DTWD1: variants seen among roughly 807,000 people sequenced by gnomAD.
The protein encoded by DTWD1 is DTW motif tRNA-uridine aminocarboxypropyltransferase 1.
Under a neutral mutation model 30.2 loss-of-function variants are expected in DTWD1, and 27 were observed. That is an observed-to-expected ratio of 0.90 (90% CI 0.66 to 1.23). The LOEUF (loss-of-function observed/expected upper bound fraction) is 1.23. Ranked by LOEUF, DTWD1 falls within the 50% of genes most tolerant of loss-of-function variation. The pLI, the probability that DTWD1 is intolerant of heterozygous loss-of-function variation, is 0.00. For missense variants in DTWD1, 342 were observed against 348.8 expected, an observed-to-expected ratio of 0.98 and a Z score of 0.15; for synonymous variants, 99 against 113.1, an observed-to-expected ratio of 0.88 and a Z score of 0.79.
chr15:49,643,138 C>G (rs1007897458), intron 4 of DTWD1, among the ~76,000 whole-genome samples, 193 bp from the exon 5 acceptor site: 3 of 151,852 alleles, frequency 2.0e-5, no homozygotes, highest in Non-Finnish European at 2.9e-5. Flanking sequence ...TATGTTGCTT[C>G]TGTATATACC....
chr15:49,630,953 T>C (rs1458497959), intron 2 of DTWD1: 3 of 445,968 alleles, frequency 6.7e-6, no homozygotes, highest in African/African-American at 6.0e-5. Context: ...GCATGCTCCT[T>C]AGGAGAATCC....
Position 49,634,593 on chromosome 15 carries a change from C to G in DTWD1, c.466C>G (p.Leu156Val). The change falls in exon 4 of 5, where the codon CTG becomes GTG. Residue 156 changes from leucine (L) to valine (V), a missense_variant. Coordinates refer to ENST00000403028, the MANE Select transcript of DTWD1 (RefSeq NM_001144955.2). ...CTCAATAAAAGATATTTCTTTTCATCTGCAAAAAAGGATTCAAAATAATGT... is the reference window on the plus strand; with the variant it reads ...CTCAATAAAAGATATTTCTTTTCATGTGCAAAAAAGGATTCAAAATAATGT... The part of the protein sequence containing the change: ...SISIKDISFH[L>V]QKRIQNNVRG... 1 of 1,613,298 alleles carries G rather than the reference C, an allele frequency of 6.2e-7. No individual in the cohort carries two copies. Among genetic ancestry groups the G allele is most frequent in the Non-Finnish European group, 8.5e-7 (1 of 1,179,696 alleles).
At position 49,624,462 on chromosome 15, in the gene DTWD1, G is replaced by A. The variant is rs116942854; in HGVS notation, c.-55-651G>A. Among the ~76,000 whole-genome samples the A allele has an allele frequency of 1.1e-4, 17 of 152,236 alleles. No homozygotes were observed. The East Asian group carries it at 3.1e-3, about 28-fold the overall frequency. ...TTTACCATTTTTCTCTAGTACTAAA[G>A]AATCTGAATGATGTATGTTTTTAAA... On this transcript the variant is annotated intron_variant, in intron 1 of 4. Transcript: ENST00000403028.
At position 49,653,894 on chromosome 15, in the gene DTWD1, G is replaced by A. The variant is rs1440307211; in HGVS notation, c.*10316G>A. The A allele has an allele frequency of 2.0e-5, 3 of 152,164 alleles. No individual in the cohort carries two copies. Among genetic ancestry groups the A allele is most frequent in the Non-Finnish European group, 4.4e-5 (3 of 68,002 alleles). The allele number at this position is 152,164 out of a possible 1,614,324, so 9.4% of individuals were successfully genotyped here. ...TTTTTATAGAAAAGGAAAAATAGAT[G>A]GAAGATGGAGCCAAAATCCCAGAGG... is the stretch of plus-strand genomic sequence containing the variant. On this transcript the variant is annotated 3_prime_UTR_variant, in exon 5 of 5. Coordinates refer to ENST00000403028, the MANE Select transcript of DTWD1 (RefSeq NM_001144955.2).
Position 49,643,306 on chromosome 15 carries a change from C to CTTTTTTTTTTTT in DTWD1, c.668-17_668-6dup, listed in dbSNP as rs5812490. On this transcript the variant is annotated intron_variant, in intron 4 of 4. Coordinates refer to ENST00000403028, the MANE Select transcript of DTWD1 (RefSeq NM_001144955.2). Reference sequence around the variant, plus strand: ...ATTTATATTTTTTCTTTCTTTCTTTCTTTTTTTTTTTTTTTTTTTGACAGG... The same window carrying CTTTTTTTTTTTT: ...ATTTATATTTTTTCTTTCTTTCTTTCTTTTTTTTTTTTTTTTTTTTTTTTTTTTTTTGACAGG... 194 of 1,201,828 alleles carry CTTTTTTTTTTTT rather than the reference C, an allele frequency of 1.6e-4. 4 individuals carry two copies. Among genetic ancestry groups the CTTTTTTTTTTTT allele is most frequent in the South Asian group, 7.6e-4 (36 of 47,228 alleles). The allele number at this position is 1,201,828 out of a possible 1,614,324, so 74.4% of individuals were successfully genotyped here. A position where few individuals can be genotyped will look rare whatever the true frequency, so the allele number is the denominator to read the frequency against.
chr15:49,649,344 A>G lies in DTWD1; in HGVS notation c.*5766A>G, dbSNP rs1000714034. On this transcript the variant is annotated 3_prime_UTR_variant, in exon 5 of 5. Coordinates refer to ENST00000403028, the MANE Select transcript of DTWD1 (RefSeq NM_001144955.2). ...AGACACAGAAGGTCTCAAAGGTATT[A>G]CCTCCCATATATTCTTGAGATAAAG... The G allele has an allele frequency of 2.6e-5, 4 of 152,102 alleles. No homozygotes were observed. Among genetic ancestry groups the G allele is most frequent in the Non-Finnish European group, 2.9e-5 (2 of 68,032 alleles). 9.4% of individuals were successfully genotyped at this position (152,102 alleles called of 1,614,324 possible).
chr15:49,624,428 G>A (rs968265100), intron 1 of DTWD1, among the ~76,000 whole-genome samples: 17 of 152,100 alleles, frequency 1.1e-4, no homozygotes, highest in Non-Finnish European at 2.2e-4. Context: ...TATTAAGTGG[G>A]AAAGTTATTT....
chr15:49,643,306 C>CT (rs5812490), intron 4 of DTWD1, 25 bp from the exon 5 acceptor site: 239,548 of 1,184,806 alleles, frequency 0.2, 3,764 homozygotes, highest in East Asian at 0.25. Flanking sequence ...TTCTTTCTTT[C>CT]TTTTTTTTTT....
chr15:49,646,988 A>G lies in DTWD1; in HGVS notation c.*3410A>G, dbSNP rs1378675742. The G allele has an allele frequency of 6.6e-6, 1 of 152,166 alleles. No homozygotes were observed. Among genetic ancestry groups the G allele is most frequent in the Non-Finnish European group, 1.5e-5 (1 of 68,030 alleles). 9.4% of individuals were successfully genotyped at this position (152,166 alleles called of 1,614,324 possible). ...TTACATGAATAAAGAAGTTTAGTAA[A>G]GAAATTAAGGTTTACCCCAATGTGA... On this transcript the variant is annotated 3_prime_UTR_variant, in exon 5 of 5. Transcript: ENST00000403028.
chr15:49,639,222 A>T (rs1051875612), intron 4 of DTWD1, among the ~76,000 whole-genome samples: 1 of 152,142 alleles, frequency 6.6e-6, no homozygotes, highest in Admixed American at 6.5e-5. Flanking sequence ...TGGAAGGAAA[A>T]GCCATTTGTA....
In DTWD1 at chr15:49,647,228, A is replaced by G. The variant is rs2079125632; in HGVS notation, c.*3650A>G. ...CCCCTAAATCCCTTCAGAAGTCTTA[A>G]AAAGGAGTAAATGGCCACACCTTTT... On this transcript the variant is annotated 3_prime_UTR_variant, in exon 5 of 5. Transcript: ENST00000403028. 6.6e-6 allele frequency: 1 copy of G among 152,184 alleles called. No individual in the cohort carries two copies. The highest frequency in any genetic ancestry group is 1.9e-4 in the East Asian group (1 of 5,186). The allele number at this position is 152,184 out of a possible 1,614,324, so 9.4% of individuals were successfully genotyped here. A position where few individuals can be genotyped will look rare whatever the true frequency, so the allele number is the denominator to read the frequency against.
chr15:49,643,307 T>TC, intron 4 of DTWD1, 24 bp from the exon 5 acceptor site: 1 of 214,690 alleles, frequency 4.7e-6, no homozygotes, highest in East Asian at 2.0e-4. Flanking sequence ...TCTTTCTTTC[T>TC]TTTTTTTTTT....
Position 49,654,373 on chromosome 15 carries a change from A to G in DTWD1, c.*10795A>G, listed in dbSNP as rs1877861936. The G allele has an allele frequency of 6.6e-6, 1 of 152,096 alleles. No homozygotes were observed. Among genetic ancestry groups the G allele is most frequent in the African/African-American group, 2.4e-5 (1 of 41,444 alleles). The allele number at this position is 152,096 out of a possible 1,614,324, so 9.4% of individuals were successfully genotyped here. On this transcript the variant is annotated 3_prime_UTR_variant, in exon 5 of 5. Transcript: ENST00000403028. ...CCTTGGACTCCTCTCTTCAGAGGGT[A>G]GAGTCCATTTCCTTTTCCTTTTAAT...
At chr15:49,634,974 G>C (rs1472530972) in intron 4 of DTWD1, among the ~76,000 whole-genome samples, 180 bp downstream of exon 4, 3 of 151,752 alleles carry the variant, frequency 2.0e-5, no homozygotes, top group Non-Finnish European at 4.4e-5. Context: ...TATATTTTTT[G>C]GTTGATCAAT....
At position 49,625,147 on chromosome 15, in the gene DTWD1, A is replaced by G. The variant is rs746284273; in HGVS notation, c.-21A>G. ...GATATGTGTTTTAGAAATAGCCGTTAAACTTTGGTTTGAATGAAGAATGTC... is the reference window on the plus strand; with the variant it reads ...GATATGTGTTTTAGAAATAGCCGTTGAACTTTGGTTTGAATGAAGAATGTC... On this transcript the variant is annotated 5_prime_UTR_variant, in exon 2 of 5. An upstream open reading frame in the 5' UTR loses its in-frame stop. Coordinates refer to ENST00000403028, the MANE Select transcript of DTWD1 (RefSeq NM_001144955.2). The G allele has an allele frequency of 2.5e-6, 4 of 1,607,698 alleles. No individual in the cohort carries two copies. In the South Asian group the frequency reaches 3.3e-5, roughly 13 times the overall value.
rs922525959 is a variant in DTWD1, at chr15:49,650,402, G to C, written c.*6824G>C. ...GATCAATTAGAATGCTATTTCAGTA[G>C]TCCATTTGAGAGATGATATTTGCCT... On this transcript the variant is annotated 3_prime_UTR_variant, in exon 5 of 5. Transcript: ENST00000403028. 2.0e-5 allele frequency: 3 copies of C among 152,142 alleles called. No individual in the cohort carries two copies. Among genetic ancestry groups the C allele is most frequent in the African/African-American group, 7.2e-5 (3 of 41,424 alleles). 9.4% of individuals were successfully genotyped at this position (152,142 alleles called of 1,614,324 possible).
At chr15:49,630,476 C>A (rs925774495) in intron 2 of DTWD1, among the ~76,000 whole-genome samples, 2 of 152,134 alleles carry the variant, frequency 1.3e-5, no homozygotes, top group African/African-American at 4.8e-5. Flanking sequence ...GTCAAGAACA[C>A]ATCTCCAGAG....
chr15:49,645,235 A>G lies in DTWD1; in HGVS notation c.*1657A>G, dbSNP rs1237861019. On this transcript the variant is annotated 3_prime_UTR_variant, in exon 5 of 5. Transcript: ENST00000403028. ...AGTATTGTAATTAAGAACAATTCCT[A>G]TTAATATACATGGGGCAACTGAGAA... The G allele has an allele frequency of 2.0e-5, 3 of 152,168 alleles. No individual in the cohort carries two copies. The highest frequency in any genetic ancestry group is 6.6e-5 in the Admixed American group (1 of 15,266). The allele number at this position is 152,168 out of a possible 1,614,324, so 9.4% of individuals were successfully genotyped here.
intron 1 of DTWD1, among the ~76,000 whole-genome samples, chr15:49,621,673 A>G (rs191366759): frequency 6.6e-6 from 1 of 152,294 alleles, no homozygotes; most frequent in East Asian, 1.9e-4. Flanking sequence ...CAGGCCCACA[A>G]AGTTGGATGG....
Sources: allele counts gnomAD v4.1 joint callset (sites outside exome capture counted in the v4.1 genomes callset), GRCh38; gene constraint gnomAD v4.1.1; transcripts MANE v1.5; gene names NCBI Gene and HGNC (gene_info 2026-07-23, HGNC 2026-07-21).